PLEKHG1: variants seen among roughly 807,000 people sequenced by gnomAD.
The protein encoded by PLEKHG1 is pleckstrin homology and RhoGEF domain containing G1.
In PLEKHG1, 44 loss-of-function variants were observed where a neutral mutation model predicts 100.8. The ratio of observed to expected loss-of-function variants is 0.44; its 90% confidence interval spans 0.34 to 0.56. PLEKHG1 has a LOEUF of 0.56. Ranked by LOEUF, PLEKHG1 falls within the 20% of genes least tolerant of loss-of-function variation. The pLI, the probability that PLEKHG1 is intolerant of heterozygous loss-of-function variation, is 0.01. For synonymous variants in PLEKHG1, 640 were observed against 662.5 expected (o/e 0.97, Z 0.52); for missense variants, 1,545 against 1,720.9 (o/e 0.90, Z 1.81).
intron 3 of PLEKHG1, among the ~76,000 whole-genome samples, chr6:150,673,372 C>T (rs1413740340): frequency 1.3e-5 from 2 of 152,202 alleles, no homozygotes; most frequent in African/African-American, 4.8e-5. Context: ...AGCCCCCAAG[C>T]CAGACATGGA....
At chr6:150,828,157 C>T (rs1037596804) in intron 14 of PLEKHG1, 49 of 1,613,612 alleles carry the variant, frequency 3.0e-5, no homozygotes, top group Non-Finnish European at 3.9e-5. Flanking sequence ...AATCTGCCCA[C>T]GATATTTGTT....
In PLEKHG1 at chr6:150,735,020, C is replaced by T. The variant is rs7741487; in HGVS notation, c.411+928C>T. On this transcript the variant is annotated intron_variant, in intron 2 of 15. Coordinates refer to ENST00000358517, the Ensembl canonical transcript of PLEKHG1. ...TTTTTTTTTGAGACGGAGTTTAGCT[C>T]TTGTTTCCCAGGCTGGAGTGCAATG... Among the ~76,000 whole-genome samples, 953 of 108,894 alleles carry T rather than the reference C, an allele frequency of 8.8e-3. 16 individuals are homozygous for T. Among genetic ancestry groups the T allele is most frequent in the African/African-American group, 0.032 (890 of 27,752 alleles). The allele number at this position is 108,894 out of a possible 152,430, so 71.4% of individuals were successfully genotyped here.
intron 6 of PLEKHG1, among the ~76,000 whole-genome samples, chr6:150,803,660 C>T (rs1445675606): frequency 1.3e-5 from 2 of 152,154 alleles, no homozygotes; most frequent in African/African-American, 4.8e-5. Context: ...AGATCCTTCT[C>T]AACACTCTCA....
chr6:150,634,548 G>A (rs2128563599), intron 1 of PLEKHG1, among the ~76,000 whole-genome samples: 1 of 152,182 alleles, frequency 6.6e-6, no homozygotes, highest in Non-Finnish European at 1.5e-5. Context: ...TCAGCTTTGG[G>A]ATAAAGCATT....
intron 1 of PLEKHG1, 84 bp from the exon 3 acceptor site, chr6:150,733,500 T>G: frequency 8.2e-7 from 1 of 1,218,624 alleles, no homozygotes; most frequent in South Asian, 1.6e-5. Context: ...CTGTATTTAT[T>G]TGAGCTAGGT....
exon 16 of PLEKHG1, chr6:150,839,898 A>C (rs1443929782): frequency 6.2e-7 from 1 of 1,613,958 alleles, no homozygotes; most frequent in Non-Finnish European, 8.5e-7. Context: ...TCCCTTGAAA[A>C]TTCAGAAGGA....
intron 5 of PLEKHG1, among the ~76,000 whole-genome samples, chr6:150,797,097 C>T (rs1278318857): frequency 6.6e-6 from 1 of 152,026 alleles, no homozygotes; most frequent in Non-Finnish European, 1.5e-5. Context: ...TCAAGTGATT[C>T]TCCTACCTCA....
At chr6:150,728,739 T>C (rs1395737810) in intron 1 of PLEKHG1, among the ~76,000 whole-genome samples, 1 of 151,782 alleles carries the variant, frequency 6.6e-6, no homozygotes, top group South Asian at 2.1e-4. Flanking sequence ...CTACTAAAAG[T>C]ACAAAAATTA....
chr6:150,732,657 G>A (rs148894992), intron 1 of PLEKHG1, among the ~76,000 whole-genome samples: 4 of 152,160 alleles, frequency 2.6e-5, no homozygotes, highest in African/African-American at 7.2e-5. Flanking sequence ...TTGCTCTGTC[G>A]CCCAGGCTGG....
At chr6:150,803,048 A>G (rs181555539) in intron 6 of PLEKHG1, among the ~76,000 whole-genome samples, 88 of 152,290 alleles carry the variant, frequency 5.8e-4, no homozygotes, top group African/African-American at 2.1e-3. Context: ...ACTGATGAGC[A>G]CAGTTGTCTC....
chr6:150,804,471 C>A (rs1299564830), intron 6 of PLEKHG1, 139 bp from the exon 8 acceptor site: 4 of 638,562 alleles, frequency 6.3e-6, no homozygotes, highest in Non-Finnish European at 9.8e-6. Context: ...AGGCATGAGC[C>A]ACCGCACCCA....
intron 7 of PLEKHG1, among the ~76,000 whole-genome samples, chr6:150,807,451 A>G (rs1265204081): frequency 6.6e-6 from 1 of 152,114 alleles, no homozygotes; most frequent in African/African-American, 2.4e-5. Flanking sequence ...CAACCAGTAA[A>G]GTTTTTTGTT....
intron 15 of PLEKHG1, among the ~76,000 whole-genome samples, chr6:150,838,078 A>G (rs1777323878): frequency 6.6e-6 from 1 of 152,228 alleles, no homozygotes; most frequent in African/African-American, 2.4e-5. Flanking sequence ...CTCTCCTCAT[A>G]GAAGATAGAC....
chr6:150,809,352 C>T (rs371615620), intron 8 of PLEKHG1, 29 bp from the exon 10 acceptor site: 2 of 1,609,228 alleles, frequency 1.2e-6, no homozygotes, highest in Non-Finnish European at 8.5e-7. Flanking sequence ...CCTGAGTGTG[C>T]CTCACCCTCT....
chr6:150,731,768 C>G (rs1483106740), intron 1 of PLEKHG1, among the ~76,000 whole-genome samples: 1 of 152,036 alleles, frequency 6.6e-6, no homozygotes, highest in African/African-American at 2.4e-5. Flanking sequence ...CATTTTGTTT[C>G]TATAAACACA....
chr6:150,701,712 T>A (rs1258304208), intron 3 of PLEKHG1, among the ~76,000 whole-genome samples: 1 of 149,824 alleles, frequency 6.7e-6, no homozygotes, highest in Non-Finnish European at 1.5e-5. Flanking sequence ...GTGATGGGGA[T>A]GTATGTGAGA....
intron 2 of PLEKHG1, among the ~76,000 whole-genome samples, chr6:150,746,510 C>G (rs147466500): frequency 5.1e-4 from 77 of 152,280 alleles, no homozygotes; most frequent in African/African-American, 1.7e-3. Flanking sequence ...CACAAATATC[C>G]TTAATTCACT....
chr6:150,630,603 T>G (rs1777704962), intron 1 of PLEKHG1, among the ~76,000 whole-genome samples: 1 of 152,230 alleles, frequency 6.6e-6, no homozygotes, highest in African/African-American at 2.4e-5. Flanking sequence ...AATTATGCTT[T>G]GGCTACGCTA....
chr6:150,821,552 C>T (rs1776301831), intron 13 of PLEKHG1, among the ~76,000 whole-genome samples: 1 of 151,920 alleles, frequency 6.6e-6, no homozygotes, highest in African/African-American at 2.4e-5. Context: ...GTCCCAGTGG[C>T]TCGTGCCTGT....
Sources: allele counts gnomAD v4.1 joint callset (sites outside exome capture counted in the v4.1 genomes callset), GRCh38; gene constraint gnomAD v4.1.1; transcripts MANE v1.5; gene names NCBI Gene and HGNC (gene_info 2026-07-23, HGNC 2026-07-21).